GPRIN3: variants seen among roughly 807,000 people sequenced by gnomAD.
GPRIN3 encodes GPRIN family member 3, also known as G protein-regulated inducer of neurite outgrowth 3.
In GPRIN3, 12 loss-of-function variants were observed where a neutral mutation model predicts 13.7. The observed-to-expected ratio is 0.87, with a 90% CI of 0.56 to 1.42. The LOEUF (loss-of-function observed/expected upper bound fraction) is 1.42. GPRIN3 is among the 40% of genes most tolerant of loss of function. GPRIN3 has a pLI of 0.00. For synonymous variants in GPRIN3, 377 were observed against 372.7 expected, an observed-to-expected ratio of 1.01 and a Z score of -0.13; for missense variants, 1,009 against 958.7, an observed-to-expected ratio of 1.05 and a Z score of -0.69.
At chr4:89,256,042 A>C (rs1346975754) in intron 1 of GPRIN3, among the ~76,000 whole-genome samples, 1 of 152,178 alleles carries the variant, frequency 6.6e-6, no homozygotes, top group Non-Finnish European at 1.5e-5. Context: ...CACCTTTTAC[A>C]GGGAGGGAAA....
In GPRIN3 at chr4:89,242,374, T is replaced by C. The variant is rs1722967089; in HGVS notation, c.*5406A>G. 1 of 152,212 alleles carries C rather than the reference T, an allele frequency of 6.6e-6. No homozygotes were observed. Among genetic ancestry groups the C allele is most frequent in the Non-Finnish European group, 1.5e-5 (1 of 68,020 alleles). 9.4% of individuals were successfully genotyped at this position (152,212 alleles called of 1,614,324 possible). ...TCTGGGCAGAGTTAACTGAATTGCTTTCTACATGCTAGTGTCCAGAAAGAG... is the reference window on the plus strand; with the variant it reads ...TCTGGGCAGAGTTAACTGAATTGCTCTCTACATGCTAGTGTCCAGAAAGAG... On this transcript the variant is annotated 3_prime_UTR_variant, in exon 2 of 2. Coordinates refer to ENST00000609438, the MANE Select transcript of GPRIN3 (RefSeq NM_198281.3).
intron 1 of GPRIN3, among the ~76,000 whole-genome samples, chr4:89,303,648 C>T (rs1452883955): frequency 1.3e-5 from 2 of 151,696 alleles, no homozygotes; most frequent in Non-Finnish European, 2.9e-5. Flanking sequence ...AGGGGGCATC[C>T]AGGTCAAAGG....
At chr4:89,288,788 G>A (rs1057286427) in intron 1 of GPRIN3, among the ~76,000 whole-genome samples, 8 of 152,106 alleles carry the variant, frequency 5.3e-5, no homozygotes, top group Non-Finnish European at 1.0e-4. Context: ...TCTGGGTAAC[G>A]TTAAAAATGA....
At chr4:89,302,538 G>T (rs1724927349) in intron 1 of GPRIN3, among the ~76,000 whole-genome samples, 1 of 152,094 alleles carries the variant, frequency 6.6e-6, no homozygotes, top group African/African-American at 2.4e-5. Flanking sequence ...TGGGGCCCCA[G>T]ATTATGCTGC....
At chr4:89,279,240 A>T (rs1306602629) in intron 1 of GPRIN3, among the ~76,000 whole-genome samples, 1 of 152,242 alleles carries the variant, frequency 6.6e-6, no homozygotes, top group East Asian at 1.9e-4. Flanking sequence ...CAGTTGTGTG[A>T]GAAATTGCTC....
In GPRIN3 at chr4:89,256,233, T is replaced by C. The variant is rs748952763; in HGVS notation, c.-123-6000A>G. ...AAATTTTTATAGATATCTATATATCTATATATATCTCCCTAGAGGAGAGGG... is the reference window on the plus strand; with the variant it reads ...AAATTTTTATAGATATCTATATATCCATATATATCTCCCTAGAGGAGAGGG... On this transcript the variant is annotated intron_variant, in intron 1 of 1. Coordinates refer to ENST00000609438, the MANE Select transcript of GPRIN3 (RefSeq NM_198281.3). 3.9e-4 allele frequency among the ~76,000 whole-genome samples: 59 copies of C among 152,232 alleles called. 1 individual carries two copies. The highest frequency in any genetic ancestry group is 6.8e-3 in the Middle Eastern group (2 of 294).
chr4:89,304,667 T>G (rs1724987544), intron 1 of GPRIN3, among the ~76,000 whole-genome samples: 1 of 152,192 alleles, frequency 6.6e-6, no homozygotes, highest in Non-Finnish European at 1.5e-5. Flanking sequence ...GTTCCTGAGT[T>G]ACTTGTTTGT....
intron 1 of GPRIN3, among the ~76,000 whole-genome samples, chr4:89,267,730 A>G (rs1292583115): frequency 6.6e-6 from 1 of 152,172 alleles, no homozygotes; most frequent in South Asian, 2.1e-4. Context: ...ATTAATGTCT[A>G]TAAGTGCTAC....
rs1346776956 is a variant in GPRIN3 at position 89,257,474 on chromosome 4, T to C, written c.-123-7241A>G. On this transcript the variant is annotated intron_variant, in intron 1 of 1. Coordinates refer to ENST00000609438, the MANE Select transcript of GPRIN3 (RefSeq NM_198281.3). ...AGAATCATGGGACAGCAAGCACTTATTTCTTGCTTTCTCTATTGCAGACAC... is the reference window on the plus strand; with the variant it reads ...AGAATCATGGGACAGCAAGCACTTACTTCTTGCTTTCTCTATTGCAGACAC... Among the ~76,000 whole-genome samples, 4 of 152,230 alleles carry C rather than the reference T, an allele frequency of 2.6e-5. No individual in the cohort carries two copies. In the East Asian group the frequency reaches 7.7e-4, roughly 29 times the overall value.
In GPRIN3 at chr4:89,243,562, A is replaced by G. The variant is rs1317098584; in HGVS notation, c.*4218T>C. 1.3e-5 allele frequency: 2 copies of G among 152,222 alleles called. No individual in the cohort carries two copies. The highest frequency in any genetic ancestry group is 2.4e-5 in the African/African-American group (1 of 41,454). The allele number at this position is 152,222 out of a possible 1,614,324, so 9.4% of individuals were successfully genotyped here. A position where few individuals can be genotyped will look rare whatever the true frequency, so the allele number is the denominator to read the frequency against. On this transcript the variant is annotated 3_prime_UTR_variant, in exon 2 of 2. Transcript: ENST00000609438. ...TTTGACTTCTGATTTCACCATGTACACAAAAACAGAGTGGGAATAAGGTAG... is the reference window on the plus strand; with the variant it reads ...TTTGACTTCTGATTTCACCATGTACGCAAAAACAGAGTGGGAATAAGGTAG...
At chr4:89,295,883 G>A (rs911637293) in intron 1 of GPRIN3, among the ~76,000 whole-genome samples, 1 of 151,868 alleles carries the variant, frequency 6.6e-6, no homozygotes, top group Non-Finnish European at 1.5e-5. Context: ...ACTTTAACTG[G>A]TGCACTGGTT....
intron 1 of GPRIN3, among the ~76,000 whole-genome samples, chr4:89,274,786 C>T (rs972310156): frequency 6.6e-6 from 1 of 152,146 alleles, no homozygotes; most frequent in East Asian, 1.9e-4. Flanking sequence ...ATTGGGCCTT[C>T]TGGGATGATG....
intron 1 of GPRIN3, among the ~76,000 whole-genome samples, chr4:89,295,899 C>T (rs1480344471): frequency 6.6e-6 from 1 of 152,088 alleles, no homozygotes; most frequent in Non-Finnish European, 1.5e-5. Flanking sequence ...TGGTTGAAAA[C>T]ATTAGCCTTG....
chr4:89,276,012 T>C (rs1372049392), intron 1 of GPRIN3, among the ~76,000 whole-genome samples: 1 of 152,162 alleles, frequency 6.6e-6, no homozygotes, highest in Non-Finnish European at 1.5e-5. Flanking sequence ...TTTACCTGCC[T>C]CAAGAGAACT....
At chr4:89,253,149 C>T (rs190570289) in intron 1 of GPRIN3, among the ~76,000 whole-genome samples, 2 of 152,146 alleles carry the variant, frequency 1.3e-5, no homozygotes, top group African/African-American at 2.4e-5. Context: ...CTGCAAGCCC[C>T]GGAAGGAAAA....
At chr4:89,273,697 A>G (rs1270711222) in intron 1 of GPRIN3, among the ~76,000 whole-genome samples, 1 of 152,214 alleles carries the variant, frequency 6.6e-6, no homozygotes, top group East Asian at 1.9e-4. Flanking sequence ...AAAAACAAAC[A>G]GACAAACAAA....
In GPRIN3 at chr4:89,247,826, C is replaced by T. The variant is rs188231775; in HGVS notation, c.2285G>A (p.Arg762His). ...VFQSMLQNFR[R>H]PNCCVRPAPS... ...GGCAGGACGGACGCAGCAGTTGGGG[C>T]GTCGGAAGTTCTGCAGCATGGACTG... Residue 762 changes from arginine (R) to histidine (H), a missense_variant, in exon 2 of 2, where the codon CGC becomes CAC. Transcript: ENST00000609438. 1.1e-5 allele frequency: 17 copies of T among 1,613,882 alleles called. No homozygotes were observed. Among genetic ancestry groups the T allele is most frequent in the African/African-American group, 9.3e-5 (7 of 75,036 alleles).
At position 89,249,936 on chromosome 4, in the gene GPRIN3, TGGGGCTGAGGTCTGGTTCTGCAGGGGC is replaced by T. The variant is rs754763331; in HGVS notation, c.148_174del (p.Ala50_Pro58del). 6.2e-7 allele frequency: 1 copy of T among 1,614,076 alleles called. No individual in the cohort carries two copies. The highest frequency in any genetic ancestry group is 2.2e-5 in the East Asian group (1 of 44,896). On this transcript the variant is annotated inframe_deletion, in exon 2 of 2. Coordinates refer to ENST00000609438, the MANE Select transcript of GPRIN3 (RefSeq NM_198281.3). Reference sequence around the variant, plus strand: ...TGCATCAGGGCTTCGGCAGCTGCCCTGGGGCTGAGGTCTGGTTCTGCAGGGGCACCTGAAAAGCCATTGGCATTCTTA... The same window carrying T: ...TGCATCAGGGCTTCGGCAGCTGCCCTACCTGAAAAGCCATTGGCATTCTTA...
chr4:89,267,444 C>T (rs558565156), intron 1 of GPRIN3, among the ~76,000 whole-genome samples: 2 of 152,128 alleles, frequency 1.3e-5, no homozygotes, highest in Non-Finnish European at 2.9e-5. Context: ...TGGGATTAGA[C>T]CTGCCTCGGT....
Sources: allele counts gnomAD v4.1 joint callset (sites outside exome capture counted in the v4.1 genomes callset), GRCh38; gene constraint gnomAD v4.1.1; transcripts MANE v1.5; gene names NCBI Gene and HGNC (gene_info 2026-07-23, HGNC 2026-07-21).